The following AKR1B1 variants were observed in gnomAD, a reference collection of about 807,000 sequenced individuals.
The protein encoded by AKR1B1 is aldo-keto reductase family 1 member B.
In AKR1B1, 22 loss-of-function variants were observed where a neutral mutation model predicts 40.4. The observed-to-expected ratio is 0.54, with a 90% CI of 0.39 to 0.78. The LOEUF is 0.78. AKR1B1 is among the 30% of genes least tolerant of loss of function. The probability of loss-of-function intolerance (pLI) is 0.00; values close to 1 mark genes in which losing one functional copy is unlikely to be tolerated. For missense variants in AKR1B1, 357 were observed against 396.7 expected, an observed-to-expected ratio of 0.90 and a Z score of 0.85; for synonymous variants, 157 against 149.9, an observed-to-expected ratio of 1.05 and a Z score of -0.35.
chr7:134,451,680 T>C lies in AKR1B1; in HGVS notation c.140A>G (p.His47Arg). 6.2e-7 allele frequency: 1 copy of C among 1,614,162 alleles called. No individual in the cohort carries two copies. Among genetic ancestry groups the C allele is most frequent in the Non-Finnish European group, 8.5e-7 (1 of 1,180,012 alleles). ...DVGYRHIDCA[H>R]VYQNENEVGV... ...CACCTCATTCTCATTCTGGTACACATGGGCACAGTCGATGTGGCGGTACCC... is the reference window on the plus strand; with the variant it reads ...CACCTCATTCTCATTCTGGTACACACGGGCACAGTCGATGTGGCGGTACCC... The change falls in exon 2 of 10, where the codon CAT (histidine) becomes CGT (arginine). Residue 47 changes from histidine (H) to arginine (R), a missense_variant. Transcript: ENST00000285930.
chr7:134,445,319 A>G lies in AKR1B1; in HGVS notation c.827T>C (p.Val276Ala), dbSNP rs1472056924. Residue 276 changes from valine (V) to alanine (A), a missense_variant and splice_region_variant, in exon 9 of 10, where the codon GTC becomes GCC. By Grantham distance (64) the Val-to-Ala change is moderately conservative (BLOSUM62 0). Transcript: ENST00000285930. ...TPERIAENFK[V>A]FDFELSSQDM... ...CTGGCTGCTCAGTTCAAAGTCAAAGACCTAAAAAACAAACAAAAAAATCCA... is the reference window on the plus strand; with the variant it reads ...CTGGCTGCTCAGTTCAAAGTCAAAGGCCTAAAAAACAAACAAAAAAATCCA... 6.2e-7 allele frequency: 1 copy of G among 1,611,734 alleles called. No homozygotes were observed. Among genetic ancestry groups the G allele is most frequent in the East Asian group, 2.2e-5 (1 of 44,864 alleles).
intron 6 of AKR1B1, 59 bp from the exon 7 acceptor site, chr7:134,448,120 AAACCCC>A: frequency 5.7e-6 from 8 of 1,415,182 alleles, no homozygotes; most frequent in Non-Finnish European, 7.9e-6. Flanking sequence ...CAGCAGCCAG[AAACCCC>A]AACCCTAATC....
intron 1 of AKR1B1, 181 bp from the exon 2 acceptor site, chr7:134,451,934 A>C: frequency 1.5e-6 from 1 of 679,914 alleles, no homozygotes; most frequent in Non-Finnish European, 2.6e-6. Context: ...ATGGAAGTGA[A>C]AGGCCACACA....
chr7:134,449,707 G>C lies in AKR1B1; in HGVS notation c.429+13C>G, dbSNP rs201341330. 6.2e-7 allele frequency: 1 copy of C among 1,609,138 alleles called. No individual in the cohort carries two copies. The highest frequency in any genetic ancestry group is 1.1e-5 in the South Asian group (1 of 90,996). On this transcript the variant is annotated intron_variant, in intron 4 of 9. Coordinates refer to ENST00000285930, the MANE Select transcript of AKR1B1 (RefSeq NM_001628.4). ...CAGTCACGAAAACAAGGTCCAACCA[G>C]GGGCTGTCTTACCGCCCACGTGTCC...
chr7:134,445,676 T>C (rs2117447341), intron 8 of AKR1B1, among the ~76,000 whole-genome samples: 1 of 152,330 alleles, frequency 6.6e-6, no homozygotes, highest in South Asian at 2.1e-4. Context: ...GGCAGAGGTA[T>C]TTCTACAACT....
chr7:134,448,896 C>A, intron 5 of AKR1B1, 101 bp downstream of exon 5: 1 of 1,442,904 alleles, frequency 6.9e-7, no homozygotes, highest in Non-Finnish European at 9.7e-7. Context: ...CCAGGAGCTG[C>A]CTCCTGGCCA....
rs557966205 is a variant in AKR1B1 at position 134,451,104 on chromosome 7, G to A, written c.235-202C>T. 9 of 657,022 alleles carry A rather than the reference G, an allele frequency of 1.4e-5. No individual in the cohort carries two copies. The African/African-American group carries it at 1.4e-4, about 10-fold the overall frequency. 40.7% of individuals were successfully genotyped at this position (657,022 alleles called of 1,614,324 possible). ...ACCAGGTCACAGAGACCTCTTACAA[G>A]GACCAGAGGACACAAAATGGAATGG... On this transcript the variant is annotated intron_variant, in intron 2 of 9. Transcript: ENST00000285930.
chr7:134,449,209 C>T, intron 4 of AKR1B1, 90 bp from the exon 5 acceptor site: 1 of 1,557,254 alleles, frequency 6.4e-7, no homozygotes, highest in Non-Finnish European at 8.8e-7. Flanking sequence ...CGGGTCCTGC[C>T]CTCACTCTTC....
At chr7:134,445,201 C>G (rs750950496) in intron 9 of AKR1B1, 37 bp downstream of exon 9, 1 of 1,563,790 alleles carries the variant, frequency 6.4e-7, no homozygotes, top group Non-Finnish European at 8.8e-7. Context: ...ATCTGAATAT[C>G]TCCTGGGAAC....
chr7:134,449,639 G>T (rs2117454778), intron 4 of AKR1B1, 81 bp downstream of exon 4: 1 of 1,115,430 alleles, frequency 9.0e-7, no homozygotes, highest in Non-Finnish European at 1.4e-6. Context: ...AAAATGCAAT[G>T]TGAGAAATGG....
chr7:134,445,206 G>A (rs375613450), intron 9 of AKR1B1, 32 bp downstream of exon 9: 6 of 1,580,674 alleles, frequency 3.8e-6, no homozygotes, highest in Admixed American at 3.4e-5. Context: ...AATATCTCCT[G>A]GGAACTGCTC....
At chr7:134,448,976 G>A (rs772694816) in intron 5 of AKR1B1, 21 bp downstream of exon 5, 1 of 1,613,854 alleles carries the variant, frequency 6.2e-7, no homozygotes, top group Non-Finnish European at 8.5e-7. Context: ...TGCAATGCCA[G>A]TGTCGTTGGG....
At chr7:134,443,637 C>T (rs1806009138) in intron 9 of AKR1B1, among the ~76,000 whole-genome samples, 2 of 151,364 alleles carry the variant, frequency 1.3e-5, no homozygotes, top group Admixed American at 6.6e-5. Flanking sequence ...AAGGCTCACT[C>T]ACTGTCCATC....
At chr7:134,450,351 G>A (rs943844743) in intron 3 of AKR1B1, among the ~76,000 whole-genome samples, 1 of 152,156 alleles carries the variant, frequency 6.6e-6, no homozygotes, top group African/African-American at 2.4e-5. Context: ...AATAGTTACC[G>A]GGCCTCCACA....
chr7:134,459,038 T>C lies in AKR1B1; in HGVS notation c.25A>G (p.Asn9Asp). ...CCCAGGATGGGCATCTTGGCGCCGT[T>C]GTTGAGCAGGAGACGGCTTGCCATG... MASRLLLN[N>D]GAKMPILGLG... The change falls in exon 1 of 10, where the codon AAC becomes GAC. Residue 9 changes from asparagine to aspartate, a missense_variant. Asn to Asp is a conservative substitution (Grantham distance 23). Coordinates refer to ENST00000285930, the MANE Select transcript of AKR1B1 (RefSeq NM_001628.4). The C allele has an allele frequency of 6.2e-7, 1 of 1,608,376 alleles. No individual in the cohort carries two copies. Among genetic ancestry groups the C allele is most frequent in the Non-Finnish European group, 8.5e-7 (1 of 1,177,982 alleles).
intron 9 of AKR1B1, 23 bp from the exon 10 acceptor site, chr7:134,442,793 A>G: frequency 1.2e-6 from 2 of 1,613,430 alleles, no homozygotes; most frequent in South Asian, 1.1e-5. Context: ...AGGAGAAAAC[A>G]GTTGCTTTTT....
intron 7 of AKR1B1, 135 bp downstream of exon 7, chr7:134,447,845 A>G: frequency 1.2e-6 from 1 of 801,496 alleles, no homozygotes; most frequent in Non-Finnish European, 2.2e-6. Flanking sequence ...TGCCCTTTCC[A>G]CTCTGTACTT....
intron 8 of AKR1B1, among the ~76,000 whole-genome samples, chr7:134,446,628 C>A (rs1190812057): frequency 6.6e-6 from 1 of 151,872 alleles, no homozygotes; most frequent in Non-Finnish European, 1.5e-5. Context: ...CAAGGGCAGG[C>A]AGGGAGGGAG....
At chr7:134,458,870 G>A (rs1434096029) in intron 1 of AKR1B1, 127 bp downstream of exon 1, 5 of 1,111,238 alleles carry the variant, frequency 4.5e-6, no homozygotes, top group African/African-American at 3.1e-5. Flanking sequence ...GCAAGCCCGC[G>A]CGTGGCTCCC....
Sources: allele counts gnomAD v4.1 joint callset (sites outside exome capture counted in the v4.1 genomes callset), GRCh38; gene constraint gnomAD v4.1.1; transcripts MANE v1.5; gene names NCBI Gene and HGNC (gene_info 2026-07-23, HGNC 2026-07-21).